Variants in KCND2 observed in about 807,000 individuals in gnomAD.
KCND2 encodes the protein A-type voltage-gated potassium channel KCND2.
In KCND2, 16 loss-of-function variants were observed where a neutral mutation model predicts 54.4. The observed-to-expected ratio is 0.29, with a 90% confidence interval of 0.20 to 0.45. The LOEUF is 0.45. KCND2 is among the 20% of genes least tolerant of loss of function. The probability of loss-of-function intolerance (pLI) is 1.00; values close to 1 mark genes in which losing one functional copy is unlikely to be tolerated. For synonymous variants in KCND2, 317 were observed against 310.7 expected, an observed-to-expected ratio of 1.02 and a Z score of -0.21; for missense variants, 486 against 824.2, an observed-to-expected ratio of 0.59 and a Z score of 5.02.
At chr7:120,732,697 C>G (rs949552506) in intron 1 of KCND2, among the ~76,000 whole-genome samples, 1 of 152,048 alleles carries the variant, frequency 6.6e-6, no homozygotes, top group Non-Finnish European at 1.5e-5. Flanking sequence ...GTTAGAATCA[C>G]TTTCTATAAG....
intron 1 of KCND2, among the ~76,000 whole-genome samples, chr7:120,638,103 T>TGTG (rs748641611): frequency 1.2e-4 from 19 of 152,124 alleles, no homozygotes; most frequent in Non-Finnish European, 2.2e-4. Context: ...AGCAAAAAGT[T>TGTG]TCACAAGTAA....
intron 1 of KCND2, among the ~76,000 whole-genome samples, chr7:120,632,935 C>A (rs1202913989): frequency 6.6e-6 from 1 of 152,128 alleles, no homozygotes; most frequent in Non-Finnish European, 1.5e-5. Context: ...GGCCAGAATT[C>A]TCTCTCATTA....
chr7:120,629,022 C>T (rs1489459814), intron 1 of KCND2, among the ~76,000 whole-genome samples: 3 of 152,014 alleles, frequency 2.0e-5, no homozygotes, highest in African/African-American at 7.3e-5. Flanking sequence ...GAAAAATGTA[C>T]GAGGTAAGGG....
intron 1 of KCND2, among the ~76,000 whole-genome samples, chr7:120,702,239 G>A (rs949682244): frequency 1.3e-5 from 2 of 152,174 alleles, no homozygotes; most frequent in Non-Finnish European, 2.9e-5. Flanking sequence ...ACCACAGTTA[G>A]ATACCATCCC....
intron 1 of KCND2, among the ~76,000 whole-genome samples, chr7:120,398,270 G>A (rs1313210699): frequency 6.7e-6 from 1 of 148,162 alleles, no homozygotes; most frequent in African/African-American, 2.5e-5. Context: ...ATGAAAAATA[G>A]CAAAAATATA....
chr7:120,675,711 G>A (rs1452416124), intron 1 of KCND2, among the ~76,000 whole-genome samples: 1 of 152,130 alleles, frequency 6.6e-6, no homozygotes, highest in Non-Finnish European at 1.5e-5. Flanking sequence ...AGAATAGGAT[G>A]ACCTCTCAGG....
rs1263464479 is a variant in KCND2 at position 120,749,793 on chromosome 7, T to A, written c.*1935T>A. On this transcript the variant is annotated 3_prime_UTR_variant, in exon 6 of 6. Transcript: ENST00000331113. Reference sequence around the variant, plus strand: ...GCAGTACAAATATTAACAATTATATTAACACCTGCCTCATGTCAGTTTATG... The same window carrying A: ...GCAGTACAAATATTAACAATTATATAAACACCTGCCTCATGTCAGTTTATG... 1 of 152,140 alleles carries A rather than the reference T, an allele frequency of 6.6e-6. No homozygotes were observed. The highest frequency in any genetic ancestry group is 1.5e-5 in the Non-Finnish European group (1 of 67,832). 9.4% of individuals were successfully genotyped at this position (152,140 alleles called of 1,614,324 possible).
intron 1 of KCND2, among the ~76,000 whole-genome samples, chr7:120,698,089 A>G (rs924588290): frequency 8.0e-6 from 1 of 125,440 alleles, no homozygotes; most frequent in African/African-American, 3.2e-5. Context: ...ATCTCAGCTC[A>G]CTCTAACTTC....
rs1562863296 is a variant in KCND2 at position 120,523,744 on chromosome 7, G to GTA, written c.1116-209158_1116-209157insAT. 8.6e-5 allele frequency among the ~76,000 whole-genome samples: 12 copies of GTA among 138,796 alleles called. No individual in the cohort carries two copies. The South Asian group carries it at 2.6e-3, about 30-fold the overall frequency. The allele number at this position is 138,796 out of a possible 152,430, so 91.1% of individuals were successfully genotyped here. ...TGTGTGTGTGTGTGTGTGTGTGTGT[G>GTA]TGTATGTCTTTGGCCTATCAAGAAT... On this transcript the variant is annotated intron_variant, in intron 1 of 5. Coordinates refer to ENST00000331113, the MANE Select transcript of KCND2 (RefSeq NM_012281.3).
intron 1 of KCND2, among the ~76,000 whole-genome samples, chr7:120,524,446 G>T (rs1057071042): frequency 2.0e-5 from 3 of 151,860 alleles, no homozygotes; most frequent in African/African-American, 7.3e-5. Flanking sequence ...ATTTTTAAAG[G>T]CTTTTTCTTT....
At chr7:120,346,607 C>G (rs571113513) in intron 1 of KCND2, among the ~76,000 whole-genome samples, 3 of 152,124 alleles carry the variant, frequency 2.0e-5, no homozygotes, top group Admixed American at 2.0e-4. Context: ...ATATTTATGT[C>G]TAAATTTAGT....
At chr7:120,617,702 C>T (rs1793045735) in intron 1 of KCND2, among the ~76,000 whole-genome samples, 1 of 152,168 alleles carries the variant, frequency 6.6e-6, no homozygotes, top group Non-Finnish European at 1.5e-5. Context: ...CCCATATGTT[C>T]ATTGCAGTGT....
At chr7:120,716,833 C>T (rs1792609162) in intron 1 of KCND2, among the ~76,000 whole-genome samples, 1 of 152,042 alleles carries the variant, frequency 6.6e-6, no homozygotes, top group Admixed American at 6.6e-5. Flanking sequence ...CTACAATTCT[C>T]AGGAATACAG....
At chr7:120,559,276 C>T (rs73439873) in intron 1 of KCND2, among the ~76,000 whole-genome samples, 1 of 152,170 alleles carries the variant, frequency 6.6e-6, no homozygotes, top group Non-Finnish European at 1.5e-5. Flanking sequence ...TTAACTACGA[C>T]CATTGATAAT....
intron 1 of KCND2, among the ~76,000 whole-genome samples, chr7:120,495,242 G>A (rs1802832864): frequency 6.6e-6 from 1 of 151,940 alleles, no homozygotes; most frequent in Non-Finnish European, 1.5e-5. Context: ...TTGTTTTTAG[G>A]CACTGCACTG....
At chr7:120,381,359 A>G (rs186517242) in intron 1 of KCND2, among the ~76,000 whole-genome samples, 181 of 152,266 alleles carry the variant, frequency 1.2e-3, no homozygotes, top group African/African-American at 3.9e-3. Flanking sequence ...AATATTACAC[A>G]TAATACAATT....
In KCND2 at chr7:120,488,384, T is replaced by C. The variant is rs567658900; in HGVS notation, c.1115+212637T>C. The stretch of plus-strand genomic sequence containing the variant: ...TGGTGATATAAAATAAGATGTGCTA[T>C]AGATTTGTTTTGTTTTGTTTTCCAT... On this transcript the variant is annotated intron_variant, in intron 1 of 5. Transcript: ENST00000331113. 4.6e-5 allele frequency among the ~76,000 whole-genome samples: 7 copies of C among 152,284 alleles called. No individual in the cohort carries two copies. The South Asian group carries it at 1.0e-3, about 23-fold the overall frequency.
chr7:120,518,214 A>T (rs901721569), intron 1 of KCND2, among the ~76,000 whole-genome samples: 2 of 152,172 alleles, frequency 1.3e-5, no homozygotes, highest in South Asian at 4.1e-4. Flanking sequence ...TTATTCTGCT[A>T]TACATTTTTC....
chr7:120,500,257 A>G (rs1412144903), intron 1 of KCND2, among the ~76,000 whole-genome samples: 1 of 152,180 alleles, frequency 6.6e-6, no homozygotes. Flanking sequence ...GGCTTACAAA[A>G]TTTCAGAAAG....
Sources: gnomAD v4.1 joint callset for allele counts (sites outside exome capture counted in the v4.1 genomes callset) on GRCh38, gnomAD v4.1.1 for gene constraint, MANE v1.5 for transcripts, NCBI Gene and HGNC (gene_info 2026-07-23, HGNC 2026-07-21) for gene names.